The following PGAP1 variants were observed in gnomAD, a reference collection of about 807,000 sequenced individuals.
The protein encoded by PGAP1 is GPI inositol-deacylase.
In PGAP1, 76 loss-of-function variants were observed where a neutral mutation model predicts 127.0. The ratio of observed to expected loss-of-function variants is 0.60; its 90% CI spans 0.50 to 0.72. The LOEUF (loss-of-function observed/expected upper bound fraction) is 0.72. Ranked by LOEUF, PGAP1 falls within the 30% of genes least tolerant of loss-of-function variation. PGAP1 has a pLI of 0.00. For synonymous variants in PGAP1, 362 were observed against 366.5 expected, an observed-to-expected ratio of 0.99 and a Z score of 0.14; for missense variants, 982 against 1,071.3, an observed-to-expected ratio of 0.92 and a Z score of 1.16.
chr2:196,879,435 C>T (rs1701663510), intron 13 of PGAP1, among the ~76,000 whole-genome samples: 1 of 152,154 alleles, frequency 6.6e-6, no homozygotes, highest in Non-Finnish European at 1.5e-5. Context: ...TGGCTCACAC[C>T]TGTAATCCCA....
chr2:196,916,381 G>C (rs1385302246), intron 3 of PGAP1, 37 bp downstream of exon 3: 2 of 1,510,428 alleles, frequency 1.3e-6, no homozygotes, highest in Non-Finnish European at 8.9e-7. Flanking sequence ...GGTGCCGATA[G>C]GTTGCACCAC....
chr2:196,913,653 A>G (rs1435078377), intron 3 of PGAP1, among the ~76,000 whole-genome samples: 1 of 152,162 alleles, frequency 6.6e-6, no homozygotes, highest in Non-Finnish European at 1.5e-5. Context: ...TCATTACCAA[A>G]CTTTTGCTCA....
chr2:196,838,855 C>G lies in PGAP1; in HGVS notation c.*2379G>C, dbSNP rs1387788055. On this transcript the variant is annotated 3_prime_UTR_variant, in exon 27 of 27. Transcript: ENST00000354764. ...GGTCAAGAGTTTGAGACCAGCCTAG[C>G]CAACATGGTGAAACCCCGTCTCTAC... 1 of 152,218 alleles carries G rather than the reference C, an allele frequency of 6.6e-6. No homozygotes were observed. Among genetic ancestry groups the G allele is most frequent in the Non-Finnish European group, 1.5e-5 (1 of 68,122 alleles). The allele number at this position is 152,218 out of a possible 1,614,324, so 9.4% of individuals were successfully genotyped here.
chr2:196,885,950 ATTTTCAACACT>A (rs1701888938), intron 10 of PGAP1, 70 bp from the exon 11 acceptor site: 1 of 1,053,766 alleles, frequency 9.5e-7, no homozygotes, highest in East Asian at 2.9e-5. Flanking sequence ...ACAAACACCC[ATTTTCAACACT>A]TTTTATTGTT....
chr2:196,859,811 C>T (rs1701003163), intron 20 of PGAP1, among the ~76,000 whole-genome samples: 1 of 151,842 alleles, frequency 6.6e-6, no homozygotes, highest in Admixed American at 6.6e-5. Flanking sequence ...ATTCAAAATC[C>T]CTTTATGATA....
At position 196,844,043 on chromosome 2, in the gene PGAP1, T is replaced by C; in HGVS notation, c.2370A>G (p.Lys790=). Residue 790 remains lysine (K), a synonymous_variant, in exon 25 of 27, where the codon AAA becomes AAG. Coordinates refer to ENST00000354764, the MANE Select transcript of PGAP1 (RefSeq NM_024989.4). ...TTGAGGAGTCTTTATGATGATTGGA[T>C]TTCTTTTCACTTCTTCTAGAGTGTT... is the stretch of plus-strand genomic sequence containing the variant. ...NPKHSRRSEK[K]SNHHKDSSIH... The C allele has an allele frequency of 6.3e-7, 1 of 1,596,276 alleles. No individual in the cohort carries two copies. The highest frequency in any genetic ancestry group is 8.6e-7 in the Non-Finnish European group (1 of 1,169,134).
chr2:196,853,851 C>G (rs1231310940), intron 20 of PGAP1, among the ~76,000 whole-genome samples: 1 of 151,670 alleles, frequency 6.6e-6, no homozygotes, highest in Non-Finnish European at 1.5e-5. Context: ...GACCTGTGAT[C>G]CTCTTTTGAT....
chr2:196,905,625 G>A (rs905067241), intron 4 of PGAP1, among the ~76,000 whole-genome samples: 4 of 152,138 alleles, frequency 2.6e-5, no homozygotes, highest in East Asian at 1.9e-4. Context: ...GAACAGCTCC[G>A]GTCTACAGCT....
chr2:196,916,354 A>G, intron 3 of PGAP1, 64 bp downstream of exon 3: 2 of 1,386,292 alleles, frequency 1.4e-6, no homozygotes, highest in Non-Finnish European at 9.6e-7. Flanking sequence ...AAGTATACTG[A>G]ATCCCTTTTT....
intron 20 of PGAP1, among the ~76,000 whole-genome samples, chr2:196,851,317 A>T (rs775056907): frequency 2.0e-5 from 3 of 152,146 alleles, no homozygotes; most frequent in Non-Finnish European, 2.9e-5. Flanking sequence ...CCTTACACAC[A>T]CACAAAAATA....
intron 8 of PGAP1, 53 bp downstream of exon 8, chr2:196,893,087 A>T: frequency 9.1e-7 from 1 of 1,093,448 alleles, no homozygotes; most frequent in East Asian, 2.6e-5. Flanking sequence ...AATTTACCTA[A>T]GATTAATAAT....
rs750028767 is a variant in PGAP1, at chr2:196,837,064, A to G, written c.*4170T>C. The G allele has an allele frequency of 6.6e-5, 10 of 152,232 alleles. No individual in the cohort carries two copies. Among genetic ancestry groups the G allele is most frequent in the Non-Finnish European group, 1.2e-4 (8 of 68,040 alleles). 9.4% of individuals were successfully genotyped at this position (152,232 alleles called of 1,614,324 possible). ...CAAATGCAGCACTGTAAAGTTTCAC[A>G]CTGAACCTAATAATAATGCAAGACA... On this transcript the variant is annotated 3_prime_UTR_variant, in exon 27 of 27. Coordinates refer to ENST00000354764, the MANE Select transcript of PGAP1 (RefSeq NM_024989.4).
intron 14 of PGAP1, among the ~76,000 whole-genome samples, chr2:196,874,776 G>T (rs1460179436): frequency 6.6e-6 from 1 of 152,166 alleles, no homozygotes; most frequent in East Asian, 1.9e-4. Flanking sequence ...CATTTTGGGA[G>T]GCCAAGGCAT....
chr2:196,873,890 T>A, intron 14 of PGAP1, 132 bp from the exon 15 acceptor site: 1 of 582,386 alleles, frequency 1.7e-6, no homozygotes, highest in Non-Finnish European at 3.0e-6. Flanking sequence ...CTGTATGGAG[T>A]TAACTCCTAA....
At chr2:196,861,941 C>T (rs188687785) in intron 20 of PGAP1, among the ~76,000 whole-genome samples, 9 of 150,160 alleles carry the variant, frequency 6.0e-5, no homozygotes, top group South Asian at 2.2e-4. Flanking sequence ...GGATGTATGT[C>T]GCCTCAGGAC....
intron 19 of PGAP1, among the ~76,000 whole-genome samples, chr2:196,867,804 G>T (rs973303899): frequency 6.6e-6 from 1 of 152,046 alleles, no homozygotes; most frequent in Non-Finnish European, 1.5e-5. Context: ...AAAATTCAGG[G>T]TCTCCCTAAA....
chr2:196,853,637 G>T (rs2125783888), intron 20 of PGAP1, among the ~76,000 whole-genome samples: 1 of 151,958 alleles, frequency 6.6e-6, no homozygotes, highest in East Asian at 1.9e-4. Context: ...TTTATCTTTT[G>T]GTAATAAAAA....
At chr2:196,854,227 T>C (rs1700806079) in intron 20 of PGAP1, among the ~76,000 whole-genome samples, 1 of 152,048 alleles carries the variant, frequency 6.6e-6, no homozygotes, top group Non-Finnish European at 1.5e-5. Flanking sequence ...CTTTTTTACC[T>C]AGAATTAATT....
At chr2:196,895,014 T>C (rs1702228124) in intron 7 of PGAP1, among the ~76,000 whole-genome samples, 1 of 152,192 alleles carries the variant, frequency 6.6e-6, no homozygotes, top group Admixed American at 6.5e-5. Flanking sequence ...TGTTCTGCTT[T>C]TCTCCTGGAC....
Sources: gnomAD v4.1 joint callset for allele counts (sites outside exome capture counted in the v4.1 genomes callset) on GRCh38, gnomAD v4.1.1 for gene constraint, MANE v1.5 for transcripts, NCBI Gene and HGNC (gene_info 2026-07-23, HGNC 2026-07-21) for gene names.